The following ENTREP2 variants were observed in gnomAD, a reference collection of about 807,000 sequenced individuals.
ENTREP2 encodes the protein endosomal transmembrane epsin interactor 2, also known as protein ENTREP2.
At chr15:29,432,744 T>C in the ENTREP2 span, among the ~76,000 whole-genome samples, 1 of 152,012 alleles carries the variant, frequency 6.6e-6, no homozygotes, top group African/African-American at 2.4e-5. Flanking sequence ...CAGCATAGCT[T>C]CACCCCTCCC....
the ENTREP2 span, among the ~76,000 whole-genome samples, chr15:29,255,330 T>A: frequency 2.6e-5 from 4 of 152,152 alleles, no homozygotes; most frequent in Admixed American, 6.5e-5. Context: ...CACAATGAGA[T>A]ACCATCTCAC....
At chr15:29,518,912 G>T in the ENTREP2 span, among the ~76,000 whole-genome samples, 1 of 152,120 alleles carries the variant, frequency 6.6e-6, no homozygotes, top group Non-Finnish European at 1.5e-5. Context: ...AAGAGGAACT[G>T]CTAACTCTTT....
At chr15:29,160,904 A>G in the ENTREP2 span, among the ~76,000 whole-genome samples, 1 of 152,094 alleles carries the variant, frequency 6.6e-6, no homozygotes, top group Non-Finnish European at 1.5e-5. Context: ...AGGTATGATG[A>G]TAAGGAGAGT....
chr15:29,151,479 A>G, the ENTREP2 span, among the ~76,000 whole-genome samples: 1 of 152,218 alleles, frequency 6.6e-6, no homozygotes, highest in Non-Finnish European at 1.5e-5. Context: ...TCAAGGGCAC[A>G]TGCCAGGGGC....
At chr15:29,149,916 C>T in the ENTREP2 span, among the ~76,000 whole-genome samples, 1 of 152,220 alleles carries the variant, frequency 6.6e-6, no homozygotes, top group Non-Finnish European at 1.5e-5. Context: ...GTGAGGCAAA[C>T]TCACCCACAA....
At chr15:29,663,887 G>C in the ENTREP2 span, among the ~76,000 whole-genome samples, 1 of 152,034 alleles carries the variant, frequency 6.6e-6, no homozygotes, top group Non-Finnish European at 1.5e-5. Flanking sequence ...AATTAGCTGC[G>C]CATGATGGTG....
At chr15:29,375,036 GGA>G in the ENTREP2 span, 3 of 152,006 alleles carry the variant, frequency 2.0e-5, no homozygotes, top group African/African-American at 7.3e-5. Context: ...AGTTGGTGCT[GGA>G]TACTTTTGTA....
At chr15:29,585,585 G>A in the ENTREP2 span, among the ~76,000 whole-genome samples, 6 of 152,150 alleles carry the variant, frequency 3.9e-5, no homozygotes, top group Admixed American at 2.0e-4. Flanking sequence ...GGCCGGGCGC[G>A]GTGGCTCACG....
At chr15:29,152,542 T>C in the ENTREP2 span, among the ~76,000 whole-genome samples, 1 of 152,372 alleles carries the variant, frequency 6.6e-6, no homozygotes, top group Non-Finnish European at 1.5e-5. Context: ...CCTTTCAGAA[T>C]TGGCTTTTTC....
the ENTREP2 span, among the ~76,000 whole-genome samples, chr15:29,520,587 A>G: frequency 6.6e-6 from 1 of 152,198 alleles, no homozygotes; most frequent in South Asian, 2.1e-4. Context: ...TCCTATAAAA[A>G]AAAAAAATTA....
the ENTREP2 span, among the ~76,000 whole-genome samples, chr15:29,427,318 C>G: frequency 6.6e-6 from 1 of 152,176 alleles, no homozygotes; most frequent in African/African-American, 2.4e-5. Flanking sequence ...CGAAGACTGC[C>G]TGAGCCCCAA....
At chr15:29,657,405 A>T in the ENTREP2 span, among the ~76,000 whole-genome samples, 3 of 143,336 alleles carry the variant, frequency 2.1e-5, no homozygotes, top group African/African-American at 7.6e-5. Flanking sequence ...GAGCAGTAGC[A>T]GCTATAAAGA....
At chr15:29,586,338 A>G in the ENTREP2 span, among the ~76,000 whole-genome samples, 1 of 152,298 alleles carries the variant, frequency 6.6e-6, no homozygotes, top group Non-Finnish European at 1.5e-5. Flanking sequence ...ACTAATGGGT[A>G]GAGGTTTCTT....
the ENTREP2 span, among the ~76,000 whole-genome samples, chr15:29,550,088 G>C: frequency 4.6e-5 from 7 of 152,246 alleles, no homozygotes; most frequent in African/African-American, 1.7e-4. Flanking sequence ...AAACCCTCCA[G>C]ACATGATCAG....
At chr15:29,398,670 G>A in the ENTREP2 span, among the ~76,000 whole-genome samples, 41 of 152,332 alleles carry the variant, frequency 2.7e-4, no homozygotes, top group African/African-American at 9.9e-4. Flanking sequence ...GTTGCAATGA[G>A]CCAAGATCAC....
At chr15:29,327,473 T>C in the ENTREP2 span, among the ~76,000 whole-genome samples, 3 of 151,796 alleles carry the variant, frequency 2.0e-5, no homozygotes, top group East Asian at 5.9e-4. Context: ...CGGGCGCCTG[T>C]AGTCCCAGCT....
At chr15:29,433,103 C>T in the ENTREP2 span, among the ~76,000 whole-genome samples, 1 of 152,184 alleles carries the variant, frequency 6.6e-6, no homozygotes, top group Non-Finnish European at 1.5e-5. Flanking sequence ...AGCCAAGGAA[C>T]CTGCCTGGGC....
At chr15:29,537,677 C>T in the ENTREP2 span, among the ~76,000 whole-genome samples, 4 of 152,068 alleles carry the variant, frequency 2.6e-5, no homozygotes, top group East Asian at 1.9e-4. Flanking sequence ...CAGGATGATC[C>T]GGTTAGAATA....
chr15:29,515,794 T>C, the ENTREP2 span, among the ~76,000 whole-genome samples: 6 of 152,322 alleles, frequency 3.9e-5, no homozygotes, highest in South Asian at 1.2e-3. Context: ...GTACAACTGA[T>C]GGGGAATGTA....
Sources: gnomAD v4.1 joint callset for allele counts (sites outside exome capture counted in the v4.1 genomes callset) on GRCh38, gnomAD v4.1.1 for gene constraint, MANE v1.5 for transcripts, NCBI Gene and HGNC (gene_info 2026-07-23, HGNC 2026-07-21) for gene names.